CNTN4: variants seen among roughly 807,000 people sequenced by gnomAD.
CNTN4 encodes contactin-4.
Under a neutral mutation model 122.5 loss-of-function variants are expected in CNTN4, and 77 were observed. The ratio of observed to expected loss-of-function variants is 0.63; its 90% confidence interval spans 0.52 to 0.76. CNTN4 has a LOEUF of 0.76. Ranked by LOEUF, CNTN4 falls within the 30% of genes least tolerant of loss-of-function variation. The pLI is 0.00. For synonymous variants in CNTN4, 512 were observed against 447.0 expected (o/e 1.15, Z -1.83); for missense variants, 1,256 against 1,259.1 (o/e 1.00, Z 0.04).
chr3:2,119,472 A>T (rs753724490), intron 2 of CNTN4, among the ~76,000 whole-genome samples: 1 of 152,214 alleles, frequency 6.6e-6, no homozygotes, highest in African/African-American at 2.4e-5. Context: ...CTTTTGCAGA[A>T]TGATTAGTGA....
intron 6 of CNTN4, among the ~76,000 whole-genome samples, chr3:2,790,466 G>A (rs749504033): frequency 6.6e-6 from 1 of 152,192 alleles, no homozygotes; most frequent in Non-Finnish European, 1.5e-5. Flanking sequence ...AGGGAAAGGA[G>A]CAGAATCAGT....
At chr3:2,654,534 A>C (rs1009467818) in intron 4 of CNTN4, among the ~76,000 whole-genome samples, 1 of 152,144 alleles carries the variant, frequency 6.6e-6, no homozygotes, top group Non-Finnish European at 1.5e-5. Context: ...AATAAGGCCA[A>C]CCCAAGGGTA....
intron 3 of CNTN4, among the ~76,000 whole-genome samples, chr3:2,395,403 T>G (rs1051754952): frequency 1.3e-5 from 2 of 150,604 alleles, no homozygotes; most frequent in Non-Finnish European, 3.0e-5. Flanking sequence ...ATAAAAGTAT[T>G]TTATATATTA....
In CNTN4 at chr3:3,026,218, T is replaced by C. The variant is rs79597242; in HGVS notation, c.1603T>C (p.Phe535Leu). The C allele has an allele frequency of 6.2e-7, 1 of 1,613,618 alleles. No homozygotes were observed. The highest frequency in any genetic ancestry group is 1.3e-5 in the African/African-American group (1 of 75,026). Residue 535 changes from phenylalanine (F) to leucine (L), a missense_variant, in exon 15 of 25, where the codon TTT (phenylalanine) becomes CTT (leucine). Physicochemically the swap from Phe to Leu is conservative, Grantham distance 22. Transcript: ENST00000418658. The part of the protein sequence containing the change: ...HSLDIVFTWS[F>L]NGHLIDFDRD... ...GCTAGACATCGTGTTTACTTGGTCATTTAATGGACACCTGATAGACTTTGA... is the reference window on the plus strand; with the variant it reads ...GCTAGACATCGTGTTTACTTGGTCACTTAATGGACACCTGATAGACTTTGA...
At chr3:2,757,455 G>A (rs1279525001) in intron 6 of CNTN4, among the ~76,000 whole-genome samples, 1 of 152,162 alleles carries the variant, frequency 6.6e-6, no homozygotes, top group African/African-American at 2.4e-5. Flanking sequence ...TAAAGCCCTA[G>A]AAACTGGCTA....
rs1299888713 is a variant in CNTN4, at chr3:2,705,835, TA to T, written c.56-30378del. 9.7e-5 allele frequency among the ~76,000 whole-genome samples: 10 copies of T among 102,778 alleles called. No individual in the cohort carries two copies. In the East Asian group the frequency reaches 1.3e-3, roughly 13 times the overall value. 67.4% of individuals were successfully genotyped at this position (102,778 alleles called of 152,430 possible). On this transcript the variant is annotated intron_variant, in intron 4 of 24. Coordinates refer to ENST00000418658, the MANE Select transcript of CNTN4 (RefSeq NM_175607.3). ...ATATATAATATATAATAAATATATA[TA>T]ATATATAATATATAATATATGTGTT...
At chr3:2,272,341 A>C (rs931087331) in intron 2 of CNTN4, among the ~76,000 whole-genome samples, 1 of 152,120 alleles carries the variant, frequency 6.6e-6, no homozygotes, top group Admixed American at 6.6e-5. Flanking sequence ...TTTTATATGC[A>C]CCATTTCTCT....
chr3:2,883,365 C>A (rs1157999783), intron 9 of CNTN4, 118 bp downstream of exon 9: 7 of 755,540 alleles, frequency 9.3e-6, no homozygotes, highest in Admixed American at 2.0e-5. Flanking sequence ...TGAAGCCTTT[C>A]TCTTTGTAAT....
intron 3 of CNTN4, among the ~76,000 whole-genome samples, chr3:2,531,666 G>T (rs1451360359): frequency 6.6e-6 from 1 of 152,086 alleles, no homozygotes; most frequent in African/African-American, 2.4e-5. Flanking sequence ...ACTCTTTCCT[G>T]ACTCTCTTAA....
chr3:2,332,916 A>G (rs2043796931), intron 2 of CNTN4, among the ~76,000 whole-genome samples: 1 of 152,146 alleles, frequency 6.6e-6, no homozygotes, highest in South Asian at 2.1e-4. Flanking sequence ...ACTTTTTCCT[A>G]TCCTCGAGAG....
At chr3:2,167,282 A>G (rs929643470) in intron 2 of CNTN4, among the ~76,000 whole-genome samples, 1 of 152,198 alleles carries the variant, frequency 6.6e-6, no homozygotes, top group Admixed American at 6.5e-5. Flanking sequence ...AATGATTGCC[A>G]CCTCATGGAA....
chr3:2,176,822 A>G (rs1384248790), intron 2 of CNTN4, among the ~76,000 whole-genome samples: 1 of 152,198 alleles, frequency 6.6e-6, no homozygotes, highest in Non-Finnish European at 1.5e-5. Context: ...CAAGTAATGC[A>G]AGAAATAAAC....
intron 2 of CNTN4, among the ~76,000 whole-genome samples, chr3:2,287,725 A>G (rs1422060493): frequency 1.3e-5 from 1 of 74,790 alleles, no homozygotes; most frequent in Non-Finnish European, 2.9e-5. Flanking sequence ...GAAGAAGAAG[A>G]AGAAGAAGAA....
At chr3:2,773,919 C>A (rs1480726471) in intron 6 of CNTN4, among the ~76,000 whole-genome samples, 1 of 152,044 alleles carries the variant, frequency 6.6e-6, no homozygotes, top group East Asian at 1.9e-4. Context: ...GCCACCACAT[C>A]TGGCTAAGTT....
intron 14 of CNTN4, among the ~76,000 whole-genome samples, chr3:2,991,520 A>G (rs1160001351): frequency 6.6e-6 from 1 of 152,114 alleles, no homozygotes; most frequent in African/African-American, 2.4e-5. Context: ...GTTACTTTAG[A>G]TAAGGTCAGA....
At chr3:2,654,759 A>T (rs1360362958) in intron 4 of CNTN4, among the ~76,000 whole-genome samples, 2 of 152,166 alleles carry the variant, frequency 1.3e-5, no homozygotes, top group Non-Finnish European at 2.9e-5. Context: ...CCTAGCAAAT[A>T]CAGTTAGGAG....
chr3:2,942,798 A>AT (rs2094629050), intron 13 of CNTN4, among the ~76,000 whole-genome samples: 1 of 152,170 alleles, frequency 6.6e-6, no homozygotes, highest in Admixed American at 6.5e-5. Flanking sequence ...TAATATGTTG[A>AT]TTACAGTGAT....
intron 6 of CNTN4, among the ~76,000 whole-genome samples, chr3:2,800,504 C>A (rs184389320): frequency 3.2e-4 from 49 of 152,296 alleles, no homozygotes; most frequent in Middle Eastern, 3.4e-3. Flanking sequence ...ATGAGGAGTT[C>A]TTCAGGGGCA....
At chr3:2,449,315 A>G (rs978254961) in intron 3 of CNTN4, among the ~76,000 whole-genome samples, 1 of 152,156 alleles carries the variant, frequency 6.6e-6, no homozygotes, top group African/African-American at 2.4e-5. Context: ...CAATAAACTT[A>G]AGAATGCAGA....
Sources: allele counts gnomAD v4.1 joint callset (sites outside exome capture counted in the v4.1 genomes callset), GRCh38; gene constraint gnomAD v4.1.1; transcripts MANE v1.5; gene names NCBI Gene and HGNC (gene_info 2026-07-23, HGNC 2026-07-21).